The following LINGO2 variants were observed in gnomAD, a reference collection of about 807,000 sequenced individuals.
LINGO2 encodes leucine rich repeat and Ig domain containing 2, also known as leucine-rich repeat and immunoglobulin-like domain-containing nogo receptor-interacting protein 2.
A neutral mutation model predicts 30.6 loss-of-function variants in LINGO2; 14 were observed. The observed-to-expected ratio is 0.46, with a 90% CI of 0.30 to 0.72. The LOEUF (loss-of-function observed/expected upper bound fraction) is 0.72. Ranked by LOEUF, LINGO2 falls within the 30% of genes least tolerant of loss-of-function variation. The pLI is 0.07. For missense variants in LINGO2, 729 were observed against 751.7 expected (o/e 0.97, Z 0.35); for synonymous variants, 317 against 288.5 (o/e 1.10, Z -1.00).
the LINGO2 span, among the ~76,000 whole-genome samples, chr9:29,145,289 A>G: frequency 9.9e-5 from 15 of 152,112 alleles, no homozygotes; most frequent in Non-Finnish European, 2.2e-4. Context: ...CATCTGGCCA[A>G]TTATATTTGC....
At chr9:28,785,899 A>C in the LINGO2 span, among the ~76,000 whole-genome samples, 44 of 152,226 alleles carry the variant, frequency 2.9e-4, no homozygotes, top group Non-Finnish European at 5.6e-4. Flanking sequence ...CTTCATGACA[A>C]AATGTACACT....
the LINGO2 span, among the ~76,000 whole-genome samples, chr9:28,835,807 T>C: frequency 2.6e-5 from 4 of 152,210 alleles, no homozygotes; most frequent in Non-Finnish European, 4.4e-5. Context: ...TCTCTACTCC[T>C]ATGGAGACTG....
the LINGO2 span, among the ~76,000 whole-genome samples, chr9:28,700,940 T>C: frequency 6.6e-6 from 1 of 152,086 alleles, no homozygotes; most frequent in African/African-American, 2.4e-5. Context: ...GTAATATTTG[T>C]CTTCTGTATA....
At chr9:28,817,446 C>T in the LINGO2 span, among the ~76,000 whole-genome samples, 1 of 152,204 alleles carries the variant, frequency 6.6e-6, no homozygotes, top group African/African-American at 2.4e-5. Flanking sequence ...CAGGACCTTT[C>T]CTTTCCATTC....
the LINGO2 span, among the ~76,000 whole-genome samples, chr9:28,764,709 C>T: frequency 7.9e-5 from 12 of 151,750 alleles, no homozygotes; most frequent in Admixed American, 7.2e-4. Context: ...AGAAGTAAAA[C>T]CATCCCTGTT....
chr9:29,140,314 T>C, the LINGO2 span, among the ~76,000 whole-genome samples: 2 of 151,658 alleles, frequency 1.3e-5, no homozygotes, highest in African/African-American at 2.4e-5. Context: ...GAAAATGATA[T>C]AAGAACAAAA....
At chr9:28,950,233 T>C in the LINGO2 span, among the ~76,000 whole-genome samples, 277 of 152,252 alleles carry the variant, frequency 1.8e-3, 1 homozygote, top group African/African-American at 6.2e-3. Flanking sequence ...CAGGTATTGA[T>C]GGAACGTATC....
intron 4 of LINGO2, among the ~76,000 whole-genome samples, chr9:28,174,921 T>TGTGTGTGTGTGTGAGA (rs962695032): frequency 4.5e-5 from 6 of 133,308 alleles, no homozygotes; most frequent in South Asian, 5.1e-4. Flanking sequence ...TGTGTGTGTG[T>TGTGTGTGTGTGTGAGA]GAGAGAGAGA....
chr9:28,762,220 C>T, the LINGO2 span, among the ~76,000 whole-genome samples: 1 of 151,884 alleles, frequency 6.6e-6, no homozygotes, highest in Admixed American at 6.6e-5. Context: ...TTTAATTGTA[C>T]TATTTAAAAC....
intron 5 of LINGO2, among the ~76,000 whole-genome samples, chr9:27,958,242 G>C (rs1302807250): frequency 6.6e-6 from 1 of 152,154 alleles, no homozygotes; most frequent in African/African-American, 2.4e-5. Context: ...AATATGACAA[G>C]TAATACTGAT....
chr9:28,030,230 C>G (rs1329566248), intron 4 of LINGO2, among the ~76,000 whole-genome samples: 1 of 152,154 alleles, frequency 6.6e-6, no homozygotes, highest in Non-Finnish European at 1.5e-5. Flanking sequence ...TCAACACTAA[C>G]TTGGAACATG....
At chr9:28,904,829 GA>G in the LINGO2 span, among the ~76,000 whole-genome samples, 2 of 151,314 alleles carry the variant, frequency 1.3e-5, no homozygotes, top group African/African-American at 2.4e-5. Context: ...CACAGAAATA[GA>G]AAAAAAATAC....
chr9:29,116,792 T>C, the LINGO2 span, among the ~76,000 whole-genome samples: 1 of 152,216 alleles, frequency 6.6e-6, no homozygotes, highest in East Asian at 1.9e-4. Flanking sequence ...TTGCAGCACA[T>C]CGTTAAGTGG....
chr9:28,643,903 G>A (rs771704884), intron 1 of LINGO2, among the ~76,000 whole-genome samples: 16 of 151,952 alleles, frequency 1.1e-4, no homozygotes, highest in Non-Finnish European at 1.9e-4. Context: ...CTCAAAAGAA[G>A]ACATATAAAT....
At chr9:28,726,528 A>AAT in the LINGO2 span, among the ~76,000 whole-genome samples, 1 of 152,202 alleles carries the variant, frequency 6.6e-6, no homozygotes, top group African/African-American at 2.4e-5. Context: ...CAGACTACTG[A>AAT]ATATTGCCTG....
At chr9:28,051,488 ATATTTATCCAAAAAAT>A (rs1563944549) in intron 4 of LINGO2, among the ~76,000 whole-genome samples, 4 of 151,754 alleles carry the variant, frequency 2.6e-5, no homozygotes, top group Non-Finnish European at 5.9e-5. Context: ...TATTTTGCAT[ATATTTATCCAAAAAAT>A]TTATGAAGTG....
chr9:27,955,152 A>T (rs1358425730), intron 5 of LINGO2, among the ~76,000 whole-genome samples: 9 of 152,224 alleles, frequency 5.9e-5, no homozygotes, highest in African/African-American at 2.2e-4. Context: ...GGCTTTTAAA[A>T]AAAGGCTCAA....
At chr9:28,202,969 T>C (rs951851234) in intron 4 of LINGO2, among the ~76,000 whole-genome samples, 7 of 152,212 alleles carry the variant, frequency 4.6e-5, no homozygotes, top group African/African-American at 1.7e-4. Flanking sequence ...GCAGGGGCTT[T>C]GTTTGGTTCA....
intron 4 of LINGO2, among the ~76,000 whole-genome samples, chr9:28,188,685 G>A (rs1422566427): frequency 1.3e-5 from 2 of 152,084 alleles, no homozygotes; most frequent in African/African-American, 4.8e-5. Context: ...GACAATGTTT[G>A]GAGTATGGTG....
Sources: allele counts gnomAD v4.1 joint callset (sites outside exome capture counted in the v4.1 genomes callset), GRCh38; gene constraint gnomAD v4.1.1; transcripts MANE v1.5; gene names NCBI Gene and HGNC (gene_info 2026-07-23, HGNC 2026-07-21).